SLU7: variants seen among roughly 807,000 people sequenced by gnomAD.
The protein encoded by SLU7 is spliceosome associated SLU7.
Under a neutral mutation model 87.0 loss-of-function variants are expected in SLU7, and 60 were observed. That is an observed-to-expected ratio of 0.69 (90% CI 0.56 to 0.86). The LOEUF is 0.86. Among genes scored for constraint, SLU7 ranks in the 40% least tolerant of loss-of-function variants. The probability of loss-of-function intolerance (pLI) is 0.00; values close to 1 mark genes in which losing one functional copy is unlikely to be tolerated. For missense variants in SLU7, 507 were observed against 686.6 expected (o/e 0.74, Z 2.92); for synonymous variants, 197 against 222.0 (o/e 0.89, Z 1.00).
chr5:160,404,222 G>A (rs1369534568), intron 15 of SLU7, among the ~76,000 whole-genome samples: 4 of 152,220 alleles, frequency 2.6e-5, no homozygotes, highest in South Asian at 2.1e-4. Flanking sequence ...GAAATTAGCT[G>A]CACATGGGGG....
chr5:160,407,974 T>C lies in SLU7; in HGVS notation c.914A>G (p.Asp305Gly). The C allele has an allele frequency of 3.1e-6, 5 of 1,605,780 alleles. No homozygotes were observed. The highest frequency in any genetic ancestry group is 4.3e-6 in the Non-Finnish European group (5 of 1,172,670). ...GTACATTTAACTTGATACTTACTCATCTGGATTCTTTCCTGCATTGGCATA... is the reference window on the plus strand; with the variant it reads ...GTACATTTAACTTGATACTTACTCACCTGGATTCTTTCCTGCATTGGCATA... ...NPYANAGKNPDEVSYAGDNFV... is the reference protein window; with the variant it reads ...NPYANAGKNPGEVSYAGDNFV... Residue 305 changes from aspartate to glycine, a missense_variant, in exon 9 of 16, where the codon GAT becomes GGT. Coordinates refer to ENST00000297151, the MANE Select transcript of SLU7 (RefSeq NM_006425.5). The surrounding 1 kb of genome is among the most constrained non-coding windows in gnomAD (Gnocchi z 4.2).
At chr5:160,415,342 G>A in intron 1 of SLU7, 32 bp from the exon 2 acceptor site, 1 of 1,492,738 alleles carries the variant, frequency 6.7e-7, no homozygotes, top group Non-Finnish European at 8.9e-7. Flanking sequence ...ACAGTAAAAA[G>A]TAGGCCTTCA....
chr5:160,415,012 A>G (rs1765392537), intron 2 of SLU7, 113 bp downstream of exon 2: 1 of 929,260 alleles, frequency 1.1e-6, no homozygotes, highest in Admixed American at 2.9e-5. Flanking sequence ...AATAAAAAAC[A>G]AAAATGACAT....
Position 160,401,748 on chromosome 5 carries a change from C to T in SLU7, c.*1537G>A, listed in dbSNP as rs867395729. 1 of 152,190 alleles carries T rather than the reference C, an allele frequency of 6.6e-6. No individual in the cohort carries two copies. Among genetic ancestry groups the T allele is most frequent in the African/African-American group, 2.4e-5 (1 of 41,452 alleles). The allele number at this position is 152,190 out of a possible 1,614,324, so 9.4% of individuals were successfully genotyped here. A position where few individuals can be genotyped will look rare whatever the true frequency, so the allele number is the denominator to read the frequency against. On this transcript the variant is annotated 3_prime_UTR_variant, in exon 16 of 16. Transcript: ENST00000297151. ...CACCCTGTTTAGGTAGGAAAATGAA[C>T]ATTGTTTTTCATTCTTAAAGTAAAT...
At chr5:160,412,014 T>G (rs1453090408) in intron 6 of SLU7, among the ~76,000 whole-genome samples, 1 of 152,214 alleles carries the variant, frequency 6.6e-6, no homozygotes, top group East Asian at 1.9e-4. Context: ...TAACCAGTGT[T>G]GTTAATGAAG....
chr5:160,410,551 T>A (rs1765187105), intron 6 of SLU7, among the ~76,000 whole-genome samples: 1 of 151,786 alleles, frequency 6.6e-6, no homozygotes, highest in African/African-American at 2.4e-5. Flanking sequence ...ACATGTACCC[T>A]AAAACTTAAA....
chr5:160,409,311 G>A (rs114043591), intron 6 of SLU7, among the ~76,000 whole-genome samples: 1,960 of 151,932 alleles, frequency 0.013, 49 homozygotes, highest in African/African-American at 0.045. Context: ...ACTTTTCTTC[G>A]CTAGCAATTG....
intron 1 of SLU7, among the ~76,000 whole-genome samples, chr5:160,416,355 T>C (rs1416472948): frequency 6.6e-6 from 1 of 152,244 alleles, no homozygotes; most frequent in Non-Finnish European, 1.5e-5. Flanking sequence ...ACAACACTGC[T>C]GGCTCTCCAA....
At chr5:160,411,478 C>T (rs1765239794) in intron 6 of SLU7, among the ~76,000 whole-genome samples, 1 of 152,212 alleles carries the variant, frequency 6.6e-6, no homozygotes, top group African/African-American at 2.4e-5. Flanking sequence ...CTCGGCCTCC[C>T]AAAGTGCTGG....
At chr5:160,412,400 T>C (rs375248167) in intron 6 of SLU7, 51 bp downstream of exon 6, 1 of 1,100,424 alleles carries the variant, frequency 9.1e-7, no homozygotes, top group African/African-American at 1.6e-5. Context: ...AATTTTCATT[T>C]CTTTGTTTAA....
intron 6 of SLU7, among the ~76,000 whole-genome samples, chr5:160,412,204 T>C (rs2069277): frequency 0.85 from 129,468 of 152,134 alleles, 55,521 homozygotes; most frequent in African/African-American, 0.91. Context: ...ATGGATAGCT[T>C]TAATAATTTA....
chr5:160,404,358 C>T (rs1340432047), intron 15 of SLU7, 82 bp downstream of exon 15: 1 of 848,772 alleles, frequency 1.2e-6, no homozygotes, highest in African/African-American at 1.7e-5. Context: ...GAGCAAGACC[C>T]TGTCTCAAAA....
chr5:160,407,356 C>T lies in SLU7; in HGVS notation c.1125+120G>A. ...TGACTAAGAGAAAGGAAGAAAAGGA[C>T]TATTCTTCATGGATTAAGAGGGCTC... On this transcript the variant is annotated intron_variant, in intron 11 of 15. Coordinates refer to ENST00000297151, the MANE Select transcript of SLU7 (RefSeq NM_006425.5). This position sits in a 1 kb window ranked among gnomAD's most constrained non-coding sequence, Gnocchi z 4.2. 1.2e-6 allele frequency: 1 copy of T among 828,584 alleles called. No homozygotes were observed. The highest frequency in any genetic ancestry group is 1.8e-6 in the Non-Finnish European group (1 of 545,904). 51.3% of individuals were successfully genotyped at this position (828,584 alleles called of 1,614,324 possible). A position where few individuals can be genotyped will look rare whatever the true frequency, so the allele number is the denominator to read the frequency against.
chr5:160,415,226 T>C lies in SLU7; in HGVS notation c.69A>G (p.Glu23=), dbSNP rs1765399502. The C allele has an allele frequency of 6.2e-7, 1 of 1,611,188 alleles. No homozygotes were observed. Among genetic ancestry groups the C allele is most frequent in the East Asian group, 2.2e-5 (1 of 44,690 alleles). The change falls in exon 2 of 16, where the codon GAA becomes GAG. Residue 23 remains glutamate (E), a synonymous_variant. Transcript: ENST00000297151. ...CCTCTCTGGTCATCTTCTTTGGTTC[T>C]TCCAAACTCATTTCTTTGGACCCCG... The part of the protein sequence containing the change: ...PLSGSKEMSL[E]EPKKMTREDW...
Position 160,414,484 on chromosome 5 carries a change from G to T in SLU7, c.171-12C>A. On this transcript the variant is annotated splice_polypyrimidine_tract_variant and intron_variant, in intron 2 of 15. Transcript: ENST00000297151. ...GGGGGTTGATGTCTCTGTAATTAAA[G>T]TAAAAAAAAAAAAAATTTAAGGATA... 12 of 1,335,168 alleles carry T rather than the reference G, an allele frequency of 9.0e-6. No individual in the cohort carries two copies. Among genetic ancestry groups the T allele is most frequent in the East Asian group, 2.7e-5 (1 of 37,444 alleles). The allele number at this position is 1,335,168 out of a possible 1,614,324, so 82.7% of individuals were successfully genotyped here. A position where few individuals can be genotyped will look rare whatever the true frequency, so the allele number is the denominator to read the frequency against.
chr5:160,414,111 A>G (rs1416061499), intron 3 of SLU7, 132 bp from the exon 4 acceptor site: 1 of 690,092 alleles, frequency 1.4e-6, no homozygotes, highest in East Asian at 3.0e-5. Context: ...GTCTCCACAC[A>G]TTTATAAATG....
chr5:160,408,091 G>T (rs960007610), intron 8 of SLU7, 23 bp from the exon 9 acceptor site: 2 of 1,508,976 alleles, frequency 1.3e-6, no homozygotes, highest in African/African-American at 1.4e-5. Flanking sequence ...AATATTTAAA[G>T]AATTAATGTT....
rs374064789 is a variant in SLU7, at chr5:160,407,940, T to C, written c.917+31A>G. The C allele has an allele frequency of 6.5e-7, 1 of 1,539,394 alleles. No individual in the cohort carries two copies. The highest frequency in any genetic ancestry group is 9.0e-7 in the Non-Finnish European group (1 of 1,113,056). On this transcript the variant is annotated intron_variant, in intron 9 of 15. Transcript: ENST00000297151. This position sits in a 1 kb window ranked among gnomAD's most constrained non-coding sequence, Gnocchi z 4.2. Reference sequence around the variant, plus strand: ...AGAAAACAATTAACTTTCTCTCATCTTAAAATCTGTACATTTAACTTGATA... The same window carrying C: ...AGAAAACAATTAACTTTCTCTCATCCTAAAATCTGTACATTTAACTTGATA...
At chr5:160,403,635 C>T (rs976916493) in intron 15 of SLU7, among the ~76,000 whole-genome samples, 171 bp from the exon 16 acceptor site, 1 of 152,232 alleles carries the variant, frequency 6.6e-6, no homozygotes, top group African/African-American at 2.4e-5. Flanking sequence ...CAACTAATCA[C>T]TATTTGGCTT....
Sources: allele counts gnomAD v4.1 joint callset (sites outside exome capture counted in the v4.1 genomes callset), GRCh38; gene constraint gnomAD v4.1.1; non-coding constraint Gnocchi (gnomAD v3.1); transcripts MANE v1.5; gene names NCBI Gene and HGNC (gene_info 2026-07-23, HGNC 2026-07-21).